The following CSMD3 variants were observed in gnomAD, a reference collection of about 807,000 sequenced individuals.
The protein encoded by CSMD3 is CUB and Sushi multiple domains 3.
CSMD3 carries 177 observed loss-of-function variants against 435.2 expected under a neutral mutation model. The ratio of observed to expected loss-of-function variants is 0.41; its 90% CI spans 0.36 to 0.46. The LOEUF (loss-of-function observed/expected upper bound fraction) is 0.46, where lower values mean the gene tolerates loss of function less well. Among genes scored for constraint, CSMD3 ranks in the 20% least tolerant of loss-of-function variants. The pLI, the probability that CSMD3 is intolerant of heterozygous loss-of-function variation, is 0.34. For synonymous variants in CSMD3, 1,656 were observed against 1,520.5 expected, an observed-to-expected ratio of 1.09 and a Z score of -2.07; for missense variants, 4,265 against 4,504.6, an observed-to-expected ratio of 0.95 and a Z score of 1.52.
At chr8:113,365,793 T>C (rs967306213) in intron 1 of CSMD3, among the ~76,000 whole-genome samples, 2 of 151,996 alleles carry the variant, frequency 1.3e-5, no homozygotes, top group Admixed American at 1.3e-4. Flanking sequence ...TGTCGTTCTG[T>C]TATAATCATG....
chr8:113,202,723 G>A (rs1028537882), intron 3 of CSMD3, among the ~76,000 whole-genome samples: 6 of 152,026 alleles, frequency 3.9e-5, no homozygotes, highest in Admixed American at 1.3e-4. Context: ...AATTATCTTT[G>A]GTTCAAACTG....
intron 3 of CSMD3, among the ~76,000 whole-genome samples, chr8:113,184,934 T>G (rs1231262920): frequency 6.6e-6 from 1 of 152,098 alleles, no homozygotes; most frequent in Non-Finnish European, 1.5e-5. Flanking sequence ...TCTCCTTTTT[T>G]CCATCAATGT....
intron 38 of CSMD3, among the ~76,000 whole-genome samples, chr8:112,377,441 C>T (rs117676705): frequency 0.014 from 2,155 of 152,202 alleles, 32 homozygotes; most frequent in South Asian, 0.035. Context: ...TAACATCAAT[C>T]CTTCTCAAAC....
intron 22 of CSMD3, among the ~76,000 whole-genome samples, chr8:112,623,712 T>C (rs1239644172): frequency 6.7e-6 from 1 of 149,520 alleles, no homozygotes; most frequent in East Asian, 2.0e-4. Context: ...TCAGTGCTAA[T>C]TAAATATTTG....
chr8:112,743,573 A>T (rs1040228594), intron 13 of CSMD3, among the ~76,000 whole-genome samples: 9 of 152,016 alleles, frequency 5.9e-5, no homozygotes, highest in Non-Finnish European at 1.2e-4. Context: ...ACTTAAAAAA[A>T]TCCTTTGGGA....
At chr8:113,214,804 T>C (rs764144059) in intron 3 of CSMD3, among the ~76,000 whole-genome samples, 2 of 151,800 alleles carry the variant, frequency 1.3e-5, no homozygotes, top group Non-Finnish European at 2.9e-5. Context: ...TAAAATGTTA[T>C]TCAACCAAAA....
intron 11 of CSMD3, among the ~76,000 whole-genome samples, chr8:112,833,497 A>T (rs2079935909): frequency 6.6e-6 from 1 of 152,042 alleles, no homozygotes; most frequent in South Asian, 2.1e-4. Context: ...ACATTTGTAA[A>T]TTATTTTTAG....
intron 22 of CSMD3, among the ~76,000 whole-genome samples, chr8:112,625,016 T>C (rs1185129116): frequency 6.6e-6 from 1 of 151,972 alleles, no homozygotes; most frequent in African/African-American, 2.4e-5. Flanking sequence ...AATGAGTATG[T>C]TGCAGGGGAG....
At chr8:113,201,152 T>C (rs1176474018) in intron 3 of CSMD3, among the ~76,000 whole-genome samples, 1 of 151,972 alleles carries the variant, frequency 6.6e-6, no homozygotes, top group African/African-American at 2.4e-5. Context: ...CCTATGGTCA[T>C]AGCTCTGCTA....
At chr8:112,379,507 T>G (rs1248474546) in intron 38 of CSMD3, among the ~76,000 whole-genome samples, 1 of 151,902 alleles carries the variant, frequency 6.6e-6, no homozygotes, top group African/African-American at 2.4e-5. Context: ...TACTAAATAG[T>G]GACGAGAAAA....
intron 22 of CSMD3, among the ~76,000 whole-genome samples, chr8:112,610,897 C>G (rs1384494299): frequency 6.6e-6 from 1 of 152,106 alleles, no homozygotes; most frequent in African/African-American, 2.4e-5. Context: ...TATTTCAATT[C>G]AGAAAGAAGC....
intron 28 of CSMD3, among the ~76,000 whole-genome samples, chr8:112,513,549 AC>A (rs1412193087): frequency 6.6e-6 from 1 of 152,192 alleles, no homozygotes; most frequent in Non-Finnish European, 1.5e-5. Context: ...GATCACAATA[AC>A]AACAAAATAG....
At chr8:113,133,596 T>C (rs1180063335) in intron 4 of CSMD3, among the ~76,000 whole-genome samples, 1 of 152,078 alleles carries the variant, frequency 6.6e-6, no homozygotes, top group African/African-American at 2.4e-5. Context: ...TCCAAAAGAA[T>C]TGAAAGCAGA....
intron 3 of CSMD3, among the ~76,000 whole-genome samples, chr8:113,187,904 A>T (rs1282624625): frequency 6.6e-6 from 1 of 152,010 alleles, no homozygotes; most frequent in Non-Finnish European, 1.5e-5. Context: ...TTGCCTAGCC[A>T]CATGCTCTAT....
chr8:112,646,574 G>A (rs1273905156), intron 19 of CSMD3, among the ~76,000 whole-genome samples: 1 of 152,214 alleles, frequency 6.6e-6, no homozygotes, highest in East Asian at 1.9e-4. Flanking sequence ...AACTTAAAGG[G>A]ACATTCTGCA....
intron 3 of CSMD3, among the ~76,000 whole-genome samples, chr8:113,179,884 C>A (rs1243080043): frequency 6.6e-6 from 1 of 151,604 alleles, no homozygotes; most frequent in South Asian, 2.1e-4. Flanking sequence ...AAAAAAAATA[C>A]CCAATTTGTT....
At chr8:113,155,378 T>C (rs909952971) in intron 4 of CSMD3, among the ~76,000 whole-genome samples, 1 of 152,036 alleles carries the variant, frequency 6.6e-6, no homozygotes, top group African/African-American at 2.4e-5. Flanking sequence ...AGAAATTCAA[T>C]AAAAGTTAGC....
At chr8:112,448,679 C>T (rs548818003) in intron 32 of CSMD3, among the ~76,000 whole-genome samples, 304 of 151,348 alleles carry the variant, frequency 2.0e-3, no homozygotes, top group Non-Finnish European at 3.2e-3. Flanking sequence ...GTTAAGTTGC[C>T]CAATTTGTGG....
chr8:113,405,378 A>G (rs1172576553), intron 1 of CSMD3, among the ~76,000 whole-genome samples: 2 of 151,586 alleles, frequency 1.3e-5, no homozygotes, highest in African/African-American at 4.8e-5. Flanking sequence ...CTAACCAATA[A>G]AATGTGAATC....
Sources: allele counts gnomAD v4.1 joint callset (sites outside exome capture counted in the v4.1 genomes callset), GRCh38; gene constraint gnomAD v4.1.1; transcripts MANE v1.5; gene names NCBI Gene and HGNC (gene_info 2026-07-23, HGNC 2026-07-21).